Variants in DAZAP1 observed in about 807,000 individuals in gnomAD.
DAZAP1 encodes DAZ associated protein 1.
Under a neutral mutation model 60.1 loss-of-function variants are expected in DAZAP1, and 6 were observed. The ratio of observed to expected loss-of-function variants is 0.10; its 90% confidence interval spans 0.05 to 0.20. The LOEUF is 0.20. DAZAP1 is among the 10% of genes least tolerant of loss of function. The pLI is 1.00. For synonymous variants in DAZAP1, 235 were observed against 215.9 expected (o/e 1.09, Z -0.78); for missense variants, 366 against 560.4 (o/e 0.65, Z 3.50).
At position 1,435,235 on chromosome 19, in the gene DAZAP1, C is replaced by T. The variant is rs988007718; in HGVS notation, c.*323C>T. ...TTATTTTCCTGAGCCTTTTGTTTTACGGTATATTGTAAACTTTTATGTTAA... is the reference window on the plus strand; with the variant it reads ...TTATTTTCCTGAGCCTTTTGTTTTATGGTATATTGTAAACTTTTATGTTAA... On this transcript the variant is annotated 3_prime_UTR_variant, in exon 12 of 12. Coordinates refer to ENST00000233078, the MANE Select transcript of DAZAP1 (RefSeq NM_018959.4). 3 of 169,792 alleles carry T rather than the reference C, an allele frequency of 1.8e-5. No homozygotes were observed. The highest frequency in any genetic ancestry group is 6.2e-5 in the Admixed American group (1 of 16,110). The allele number at this position is 169,792 out of a possible 1,614,324, so 10.5% of individuals were successfully genotyped here. A position where few individuals can be genotyped will look rare whatever the true frequency, so the allele number is the denominator to read the frequency against.
chr19:1,414,512 C>T (rs548444296), intron 1 of DAZAP1, among the ~76,000 whole-genome samples: 4 of 152,002 alleles, frequency 2.6e-5, no homozygotes, highest in Admixed American at 6.5e-5. Context: ...TTTGAGAGGC[C>T]GAGGCTGGTG....
At chr19:1,421,682 G>A (rs1185759728) in intron 5 of DAZAP1, among the ~76,000 whole-genome samples, 6 of 152,384 alleles carry the variant, frequency 3.9e-5, no homozygotes, top group Non-Finnish European at 4.4e-5. Context: ...TGGGACAGCC[G>A]GAGGGGGCCG....
Position 1,407,819 on chromosome 19 carries a change from C to T in DAZAP1, c.29+17C>T. On this transcript the variant is annotated intron_variant, in intron 1 of 11. Coordinates refer to ENST00000233078, the MANE Select transcript of DAZAP1 (RefSeq NM_018959.4). ...CGAGATCGGGTGAGGACGAGCGGCG[C>T]GGGCCTGCGTCTCCGCCCCGAGCCC... 1 of 1,069,490 alleles carries T rather than the reference C, an allele frequency of 9.4e-7. No homozygotes were observed. The highest frequency in any genetic ancestry group is 1.1e-6 in the Non-Finnish European group (1 of 884,210). 66.3% of individuals were successfully genotyped at this position (1,069,490 alleles called of 1,614,324 possible). A position where few individuals can be genotyped will look rare whatever the true frequency, so the allele number is the denominator to read the frequency against.
chr19:1,430,292 G>T lies in DAZAP1; in HGVS notation c.801G>T (p.Val267=). Residue 267 remains valine, a synonymous_variant, in exon 10 of 12, where the codon GTG becomes GTT. Transcript: ENST00000233078. ...PPPPPFTSYI[V]STPPGGFPPP... ...CCCCACCGTTCACCTCCTACATCGT[G>T]TCCACCCCTCCTGGAGGCTTTCCCC... 6.7e-7 allele frequency: 1 copy of T among 1,484,784 alleles called. No individual in the cohort carries two copies. Among genetic ancestry groups the T allele is most frequent in the African/African-American group, 1.4e-5 (1 of 71,688 alleles). 92.0% of individuals were successfully genotyped at this position (1,484,784 alleles called of 1,614,324 possible).
Position 1,428,588 on chromosome 19 carries a change from C to T in DAZAP1, c.547-254C>T, listed in dbSNP as rs2083362361. 3 of 437,830 alleles carry T rather than the reference C, an allele frequency of 6.9e-6. No individual in the cohort carries two copies. Among genetic ancestry groups the T allele is most frequent in the East Asian group, 8.5e-5 (2 of 23,634 alleles). 27.1% of individuals were successfully genotyped at this position (437,830 alleles called of 1,614,324 possible). On this transcript the variant is annotated intron_variant, in intron 7 of 11. Transcript: ENST00000233078. This position sits in a 1 kb window ranked among gnomAD's most constrained non-coding sequence, Gnocchi z 4.0. ...GGCTCTGGGCTCGGTCCTGCTGCCC[C>T]GCAGTGGGCGGGCTCTGTGTGTCTT...
At chr19:1,424,226 C>G (rs965075953) in intron 6 of DAZAP1, among the ~76,000 whole-genome samples, 1 of 152,032 alleles carries the variant, frequency 6.6e-6, no homozygotes, top group Non-Finnish European at 1.5e-5. Flanking sequence ...CCGCTCCAGC[C>G]GCTGCCTCGT....
Position 1,428,793 on chromosome 19 carries a change from G to T in DAZAP1, c.547-49G>T. On this transcript the variant is annotated intron_variant, in intron 7 of 11. Coordinates refer to ENST00000233078, the MANE Select transcript of DAZAP1 (RefSeq NM_018959.4). The surrounding 1 kb of genome is among the most constrained non-coding windows in gnomAD (Gnocchi z 4.0). ...CCGAGGGTGTGTCTAAAGGGAAGGG[G>T]GTGCTGGGACCCGCAGCCTCGCCCT... 6.2e-7 allele frequency: 1 copy of T among 1,609,566 alleles called. No individual in the cohort carries two copies. Among genetic ancestry groups the T allele is most frequent in the Non-Finnish European group, 8.5e-7 (1 of 1,177,908 alleles).
chr19:1,433,695 T>A lies in DAZAP1; in HGVS notation c.1048+1005T>A. 2.6e-6 allele frequency: 4 copies of A among 1,526,060 alleles called. No individual in the cohort carries two copies. The highest frequency in any genetic ancestry group is 3.6e-6 in the Non-Finnish European group (4 of 1,102,010). 94.5% of individuals were successfully genotyped at this position (1,526,060 alleles called of 1,614,324 possible). On this transcript the variant is annotated intron_variant, in intron 11 of 11. Coordinates refer to ENST00000233078, the MANE Select transcript of DAZAP1 (RefSeq NM_018959.4). This position sits in a 1 kb window ranked among gnomAD's most constrained non-coding sequence, Gnocchi z 6.1. The stretch of plus-strand genomic sequence containing the variant: ...GGCGTGTGTCAGCCGCTGCTCTTGG[T>A]GGCGGCTGCTTGGGTTGGTCACCCT...
At chr19:1,415,389 G>GTGTGTT (rs751334899) in intron 1 of DAZAP1, among the ~76,000 whole-genome samples, 21 of 127,572 alleles carry the variant, frequency 1.6e-4, no homozygotes, top group African/African-American at 5.9e-4. Flanking sequence ...GTGTGTGTGT[G>GTGTGTT]TTTTGTTTTT....
chr19:1,430,459 C>G, intron 10 of DAZAP1, 97 bp downstream of exon 10: 1 of 1,192,978 alleles, frequency 8.4e-7, no homozygotes, highest in South Asian at 1.9e-5. Context: ...CACGTCTGGC[C>G]TCAGCCACAG....
At chr19:1,430,149 G>A in intron 9 of DAZAP1, 73 bp from the exon 10 acceptor site, 1 of 1,526,248 alleles carries the variant, frequency 6.6e-7, no homozygotes, top group Non-Finnish European at 9.0e-7. Context: ...CCCCTGGCAG[G>A]CCTGGGTCTA....
At chr19:1,424,908 A>AGGGCT (rs1017595873) in intron 6 of DAZAP1, among the ~76,000 whole-genome samples, 1 of 152,168 alleles carries the variant, frequency 6.6e-6, no homozygotes, top group African/African-American at 2.4e-5. Flanking sequence ...CTAGCCGGGG[A>AGGGCT]GGCCTGGAGA....
In DAZAP1 at chr19:1,418,846, C is replaced by G. The variant is rs2083064812; in HGVS notation, c.303+115C>G. 2 of 1,104,362 alleles carry G rather than the reference C, an allele frequency of 1.8e-6. No individual in the cohort carries two copies. The highest frequency in any genetic ancestry group is 5.1e-5 in the Admixed American group (2 of 39,222). The allele number at this position is 1,104,362 out of a possible 1,614,324, so 68.4% of individuals were successfully genotyped here. On this transcript the variant is annotated intron_variant, in intron 4 of 11. Transcript: ENST00000233078. The surrounding 1 kb of genome is among the most constrained non-coding windows in gnomAD (Gnocchi z 5.7). ...TAAGATTGAGGGCGACGCAGGTCTT[C>G]TGGGTTGGCACTCGAGCAGCTGAGG...
intron 6 of DAZAP1, among the ~76,000 whole-genome samples, chr19:1,424,344 TCCTCCCCCTCCCCCTCCCC>T (rs1569078087): frequency 5.2e-5 from 1 of 19,384 alleles, no homozygotes; most frequent in Non-Finnish European, 1.0e-4. Context: ...CTCCCCCTCC[TCCTCCCCCTCCCCCTCCCC>T]CCTCCCCCTC....
At chr19:1,411,396 G>A (rs1035992403) in intron 1 of DAZAP1, among the ~76,000 whole-genome samples, 7 of 152,208 alleles carry the variant, frequency 4.6e-5, no homozygotes, top group Non-Finnish European at 8.8e-5. Context: ...CCTGCTGGGG[G>A]GAGAGCCACT....
At position 1,418,815 on chromosome 19, in the gene DAZAP1, G is replaced by T; in HGVS notation, c.303+84G>T. On this transcript the variant is annotated intron_variant, in intron 4 of 11. Coordinates refer to ENST00000233078, the MANE Select transcript of DAZAP1 (RefSeq NM_018959.4). The surrounding 1 kb of genome is among the most constrained non-coding windows in gnomAD (Gnocchi z 5.7). ...TGCGTGCCTTCAATCTGCTGTTGTC[G>T]CTCGTTAAGATTGAGGGCGACGCAG... 2 of 1,416,440 alleles carry T rather than the reference G, an allele frequency of 1.4e-6. No individual in the cohort carries two copies. The highest frequency in any genetic ancestry group is 9.6e-7 in the Non-Finnish European group (1 of 1,040,772). 87.7% of individuals were successfully genotyped at this position (1,416,440 alleles called of 1,614,324 possible).
rs1269956056 is a variant in DAZAP1 at position 1,428,865 on chromosome 19, T to G, written c.570T>G (p.Pro190=). ...AGGTGGAAGTTAAACGAGCTGAGCC[T>G]CGGGACAGCAAGAGCCAAGCGCCGG... ...GKKVEVKRAE[P]RDSKSQAPGQ... is the part of the protein sequence containing the mutation. Residue 190 remains proline, a synonymous_variant, in exon 8 of 12, where the codon CCT becomes CCG. Transcript: ENST00000233078. The surrounding 1 kb of genome is among the most constrained non-coding windows in gnomAD (Gnocchi z 4.0). 3 of 1,612,946 alleles carry G rather than the reference T, an allele frequency of 1.9e-6. No homozygotes were observed. In the Admixed American group the frequency reaches 5.0e-5, roughly 27 times the overall value.
chr19:1,422,567 C>T lies in DAZAP1; in HGVS notation c.463+171C>T, dbSNP rs183253409. Among the ~76,000 whole-genome samples, 517 of 152,342 alleles carry T rather than the reference C, an allele frequency of 3.4e-3. 1 individual carries two copies. The highest frequency in any genetic ancestry group is 5.4e-3 in the Admixed American group (83 of 15,306). ...GGCTCCTCATGTGCACCCCATTCAGCCTGTCTGTGCTTCCCGAGGTCAGAC... is the reference window on the plus strand; with the variant it reads ...GGCTCCTCATGTGCACCCCATTCAGTCTGTCTGTGCTTCCCGAGGTCAGAC... On this transcript the variant is annotated intron_variant, in intron 6 of 11. Transcript: ENST00000233078. This position sits in a 1 kb window ranked among gnomAD's most constrained non-coding sequence, Gnocchi z 4.5.
In DAZAP1 at chr19:1,430,263, C is replaced by A; in HGVS notation, c.772C>A (p.Pro258Thr). ...PPPAGRGAPP[P>T]PPPFTSYIVS... Reference sequence around the variant, plus strand: ...CCCTGCAGGAAGAGGAGCCCCCCCGCCACCCCCACCGTTCACCTCCTACAT... The same window carrying A: ...CCCTGCAGGAAGAGGAGCCCCCCCGACACCCCCACCGTTCACCTCCTACAT... Residue 258 changes from proline (P) to threonine (T), a missense_variant, in exon 10 of 12, where the codon CCA becomes ACA. Pro to Thr is a conservative substitution (Grantham distance 38). This residue lies in a region of DAZAP1 where 240 missense variants were observed against 308.8 expected (regional missense o/e 0.78). Coordinates refer to ENST00000233078, the MANE Select transcript of DAZAP1 (RefSeq NM_018959.4). 2 of 1,264,368 alleles carry A rather than the reference C, an allele frequency of 1.6e-6. No individual in the cohort carries two copies. The highest frequency in any genetic ancestry group is 2.2e-6 in the Non-Finnish European group (2 of 894,278). The allele number at this position is 1,264,368 out of a possible 1,614,324, so 78.3% of individuals were successfully genotyped here.
Sources: allele counts gnomAD v4.1 joint callset (sites outside exome capture counted in the v4.1 genomes callset), GRCh38; gene constraint gnomAD v4.1.1; regional missense constraint gnomAD v4.1.1; non-coding constraint Gnocchi (gnomAD v3.1); transcripts MANE v1.5; gene names NCBI Gene and HGNC (gene_info 2026-07-23, HGNC 2026-07-21).